ZNF790: variants seen among roughly 807,000 people sequenced by gnomAD.
ZNF790 encodes the protein zinc finger protein 790.
In ZNF790, 8 loss-of-function variants were observed where a neutral mutation model predicts 12.1. The ratio of observed to expected loss-of-function variants is 0.66; its 90% CI spans 0.39 to 1.19. ZNF790 has a LOEUF of 1.19. Among genes scored for constraint, ZNF790 ranks in the 50% most tolerant of loss-of-function variants. The pLI, the probability that ZNF790 is intolerant of heterozygous loss-of-function variation, is 0.01. For synonymous variants in ZNF790, 252 were observed against 244.3 expected (o/e 1.03, Z -0.29); for missense variants, 707 against 752.2 (o/e 0.94, Z 0.70).
intron 2 of ZNF790, among the ~76,000 whole-genome samples, chr19:36,824,057 T>C (rs75256955): frequency 1.4e-5 from 2 of 141,836 alleles, no homozygotes; most frequent in African/African-American, 5.4e-5. Flanking sequence ...AGTGCGGTGG[T>C]GCAATCTCTG....
chr19:36,845,365 A>C (rs1017047465), intron 1 of ZNF790, among the ~76,000 whole-genome samples: 6 of 151,712 alleles, frequency 4.0e-5, no homozygotes, highest in Non-Finnish European at 7.4e-5. Context: ...GCAGTGAGCC[A>C]TGATCATGCC....
intron 1 of ZNF790, among the ~76,000 whole-genome samples, chr19:36,826,982 AGATATAATAAGCAAAT>A (rs1266282807): frequency 1.3e-5 from 2 of 150,824 alleles, no homozygotes; most frequent in Non-Finnish European, 3.0e-5. Flanking sequence ...ATGGCAATGC[AGATATAATAAGCAAAT>A]GATATAATAA....
At position 36,819,295 on chromosome 19, in the gene ZNF790, C is replaced by T. The variant is rs1038665869; in HGVS notation, c.1049G>A (p.Gly350Glu). 6.2e-7 allele frequency: 1 copy of T among 1,610,970 alleles called. No individual in the cohort carries two copies. The highest frequency in any genetic ancestry group is 8.5e-7 in the Non-Finnish European group (1 of 1,178,256). Residue 350 changes from glycine (G) to glutamate (E), a missense_variant, in exon 5 of 5, where the codon GGA (glycine) becomes GAA (glutamate). By Grantham distance (98) the Gly-to-Glu change is moderately conservative. Coordinates refer to ENST00000356725, the MANE Select transcript of ZNF790 (RefSeq NM_206894.4). ...CKECGKAFTR[G>E]SHLTQHQRIH... ...TCTCTGATGCTGAGTTAGGTGTGAT[C>T]CACGAGTAAAAGCTTTCCCACACTC...
At chr19:36,832,974 C>CT (rs886099914) in intron 1 of ZNF790, among the ~76,000 whole-genome samples, 2 of 72,246 alleles carry the variant, frequency 2.8e-5, no homozygotes, top group African/African-American at 1.0e-4. Context: ...GAGACCTTCT[C>CT]TAAAAAAAAA....
intron 1 of ZNF790, among the ~76,000 whole-genome samples, chr19:36,827,472 A>G (rs1327725640): frequency 1.3e-5 from 2 of 151,974 alleles, no homozygotes; most frequent in African/African-American, 2.4e-5. Flanking sequence ...TGTTTTTGCG[A>G]TTGTCTATTG....
upstream of ZNF790, chr19:36,838,430 G>C (rs2072096498): frequency 1.3e-5 from 2 of 152,260 alleles, no homozygotes; most frequent in Non-Finnish European, 2.9e-5. The surrounding 1 kb of genome is among the most constrained non-coding windows in gnomAD (Gnocchi z 4.4). Flanking sequence ...CCGGGGAACG[G>C]TGCACTCTGG....
At chr19:36,841,953 C>T (rs981296479), upstream of ZNF790, among the ~76,000 whole-genome samples, 5 of 151,946 alleles carry the variant, frequency 3.3e-5, no homozygotes, top group African/African-American at 7.3e-5. Flanking sequence ...GCCTGAAGCG[C>T]CCCTCCCGCC....
intron 1 of ZNF790, among the ~76,000 whole-genome samples, chr19:36,830,549 T>TAG (rs1396082755): frequency 6.6e-6 from 1 of 152,164 alleles, no homozygotes; most frequent in Non-Finnish European, 1.5e-5. Flanking sequence ...CTTGGCTGTA[T>TAG]TCCTTAATTA....
rs1161286902 is a variant in ZNF790, at chr19:36,820,892, C to CTTT, written c.230-781_230-779dup. ...CATGGGTGACAGAGTGAGACCCTGT[C>CTTT]TTTTTTTTTTTTTTTTTTTTAATAC... On this transcript the variant is annotated intron_variant, in intron 4 of 4. Coordinates refer to ENST00000356725, the MANE Select transcript of ZNF790 (RefSeq NM_206894.4). 2.3e-4 allele frequency among the ~76,000 whole-genome samples: 29 copies of CTTT among 126,994 alleles called. No individual in the cohort carries two copies. The East Asian group carries it at 4.5e-3, about 20-fold the overall frequency. The allele number at this position is 126,994 out of a possible 152,430, so 83.3% of individuals were successfully genotyped here. A position where few individuals can be genotyped will look rare whatever the true frequency, so the allele number is the denominator to read the frequency against.
chr19:36,836,814 C>T (rs1384492328), intron 1 of ZNF790, among the ~76,000 whole-genome samples: 1 of 152,166 alleles, frequency 6.6e-6, no homozygotes, highest in African/African-American at 2.4e-5. Context: ...TAGGCAACAT[C>T]CGGGAAGATT....
At position 36,818,512 on chromosome 19, in the gene ZNF790, T is replaced by TTTTTGAGAAATATTTCTCAA. The variant is rs1222077486; in HGVS notation, c.1831_1832insTTGAGAAATATTTCTCAAAA (p.Tyr611PhefsTer49). On this transcript the variant is annotated frameshift_variant, in exon 5 of 5. Coordinates refer to ENST00000356725, the MANE Select transcript of ZNF790 (RefSeq NM_206894.4). LOFTEE classifies it low-confidence loss of function (END_TRUNC). ...AAATTCATAGGATTTCTCAAAAGTG[T>TTTTTGAGAAATATTTCTCAA]AAATATTCTGGTGTTGAGCAAAGTT... 3 of 1,596,060 alleles carry TTTTTGAGAAATATTTCTCAA rather than the reference T, an allele frequency of 1.9e-6. No individual in the cohort carries two copies. Among genetic ancestry groups the TTTTTGAGAAATATTTCTCAA allele is most frequent in the Non-Finnish European group, 2.6e-6 (3 of 1,167,198 alleles).
upstream of ZNF790, chr19:36,850,747 G>C (rs190351461): frequency 1.3e-5 from 2 of 152,366 alleles, no homozygotes; most frequent in Admixed American, 6.5e-5. Context: ...CAGGGGAATC[G>C]GGATGGCTGG....
At chr19:36,849,278 T>C (rs968870829) in intron 1 of ZNF790, among the ~76,000 whole-genome samples, 1 of 152,174 alleles carries the variant, frequency 6.6e-6, no homozygotes, top group Admixed American at 6.6e-5. Context: ...CAGCATTTCC[T>C]GTTGTCATAC....
chr19:36,821,645 G>A (rs532780872), intron 4 of ZNF790, among the ~76,000 whole-genome samples: 6 of 151,888 alleles, frequency 4.0e-5, no homozygotes, highest in Non-Finnish European at 7.4e-5. Flanking sequence ...GTGCAGTGGC[G>A]CAATCTCAGC....
At chr19:36,830,342 A>G (rs188939345) in intron 1 of ZNF790, among the ~76,000 whole-genome samples, 1 of 152,356 alleles carries the variant, frequency 6.6e-6, no homozygotes, top group African/African-American at 2.4e-5. Flanking sequence ...GTATCACATT[A>G]ACTGACTTTT....
chr19:36,821,645 G>T (rs532780872), intron 4 of ZNF790, among the ~76,000 whole-genome samples: 2 of 152,006 alleles, frequency 1.3e-5, no homozygotes, highest in African/African-American at 4.8e-5. Context: ...GTGCAGTGGC[G>T]CAATCTCAGC....
intron 4 of ZNF790, 38 bp from the exon 5 acceptor site, chr19:36,820,152 T>G (rs763192130): frequency 2.6e-6 from 4 of 1,560,400 alleles, no homozygotes; most frequent in Non-Finnish European, 3.4e-6. Context: ...TACGGTTGTA[T>G]GTACAAAAAG....
At chr19:36,839,034 C>T (rs1246844790), upstream of ZNF790, among the ~76,000 whole-genome samples, 1 of 152,220 alleles carries the variant, frequency 6.6e-6, no homozygotes, top group Non-Finnish European at 1.5e-5. Flanking sequence ...CTTCCTAATA[C>T]CTTATTCCCA....
Position 36,818,653 on chromosome 19 carries a change from C to A in ZNF790, c.1691G>T (p.Cys564Phe). The A allele has an allele frequency of 6.2e-7, 1 of 1,611,542 alleles. No individual in the cohort carries two copies. ...KIHTDAEPYGCKKSSHIFSHH... is the reference protein window; with the variant it reads ...KIHTDAEPYGFKKSSHIFSHH... Reference sequence around the variant, plus strand: ...ACTAAAGATGTGGCTACTTTTCTTGCATCCATAAGGTTCTGCATCAGTATG... The same window carrying A: ...ACTAAAGATGTGGCTACTTTTCTTGAATCCATAAGGTTCTGCATCAGTATG... The change falls in exon 5 of 5, where the codon TGC becomes TTC. Residue 564 changes from cysteine (C) to phenylalanine (F), a missense_variant. Coordinates refer to ENST00000356725, the MANE Select transcript of ZNF790 (RefSeq NM_206894.4).
Sources: gnomAD v4.1 joint callset for allele counts (sites outside exome capture counted in the v4.1 genomes callset) on GRCh38, gnomAD v4.1.1 for gene constraint, Gnocchi (gnomAD v3.1) non-coding constraint, MANE v1.5 for transcripts, NCBI Gene and HGNC (gene_info 2026-07-23, HGNC 2026-07-21) for gene names.